JCAD: variants seen among roughly 807,000 people sequenced by gnomAD.
The protein encoded by JCAD is junctional cadherin 5-associated protein.
JCAD carries 40 observed loss-of-function variants against 98.0 expected under a neutral mutation model. That is an observed-to-expected ratio of 0.41 (90% confidence interval 0.32 to 0.53). The LOEUF is 0.53. Among genes scored for constraint, JCAD ranks in the 20% least tolerant of loss-of-function variants. JCAD has a pLI of 0.31. For missense variants in JCAD, 1,705 were observed against 1,738.1 expected (o/e 0.98, Z 0.34); for synonymous variants, 691 against 682.3 (o/e 1.01, Z -0.20).
intron 2 of JCAD, among the ~76,000 whole-genome samples, chr10:30,033,927 A>C (rs1837055330): frequency 6.6e-6 from 1 of 152,154 alleles, no homozygotes; most frequent in Non-Finnish European, 1.5e-5. Context: ...ATAGCCCCTC[A>C]AACTCTGTAT....
chr10:30,041,937 T>C (rs1837250005), intron 2 of JCAD, among the ~76,000 whole-genome samples: 1 of 152,246 alleles, frequency 6.6e-6, no homozygotes. Flanking sequence ...CATGTGCAGA[T>C]AACACAGTTT....
chr10:30,089,107 A>G (rs1455794667), intron 1 of JCAD, among the ~76,000 whole-genome samples: 1 of 152,234 alleles, frequency 6.6e-6, no homozygotes, highest in Non-Finnish European at 1.5e-5. Context: ...TATGGTGGCA[A>G]TAAATCATTG....
chr10:30,024,977 G>A (rs1343142156), intron 3 of JCAD, among the ~76,000 whole-genome samples: 1 of 152,082 alleles, frequency 6.6e-6, no homozygotes, highest in Non-Finnish European at 1.5e-5. Context: ...TTACAGGCTT[G>A]AGCCACAGCA....
intron 3 of JCAD, among the ~76,000 whole-genome samples, chr10:30,025,535 AAGGGGAGGGGAGGGGAGGGGAGGGG>A (rs77184322): frequency 2.1e-4 from 2 of 9,630 alleles, no homozygotes; most frequent in African/African-American, 5.0e-4. Context: ...AAAAAATGGG[AAGGGGAGGGGAGGGGAGGGGAGGGG>A]AGGGGAGGGG....
In JCAD at chr10:30,059,208, C is replaced by T. The variant is rs892499845; in HGVS notation, c.-60+274G>A. 6.6e-6 allele frequency among the ~76,000 whole-genome samples: 1 copy of T among 151,450 alleles called. No homozygotes were observed. The highest frequency in any genetic ancestry group is 1.5e-5 in the Non-Finnish European group (1 of 67,770). ...TGCCCGCCCCGGGACCCCCGCGCTCCGAGCGGGGCACCTGAGGGGAGGGGA... is the reference window on the plus strand; with the variant it reads ...TGCCCGCCCCGGGACCCCCGCGCTCTGAGCGGGGCACCTGAGGGGAGGGGA... On this transcript the variant is annotated intron_variant, in intron 1 of 3. Transcript: ENST00000375377. The surrounding 1 kb of genome is among the most constrained non-coding windows in gnomAD (Gnocchi z 5.0).
rs1035761802 is a variant in JCAD at position 30,099,183 on chromosome 10, C to G, written n.128+16184G>C. Among the ~76,000 whole-genome samples the G allele has an allele frequency of 3.9e-5, 6 of 152,112 alleles. No individual in the cohort carries two copies. The South Asian group carries it at 1.2e-3, about 32-fold the overall frequency. ...GGAAAATGAAACGTAAACATAATCCCAACTCATCTTACACCTCATCTTTGA... is the reference window on the plus strand; with the variant it reads ...GGAAAATGAAACGTAAACATAATCCGAACTCATCTTACACCTCATCTTTGA... On this transcript the variant is annotated intron_variant and non_coding_transcript_variant, in intron 1 of 2. Transcript: ENST00000465712.
intron 1 of JCAD, among the ~76,000 whole-genome samples, chr10:30,077,044 A>C (rs1401184544): frequency 6.6e-6 from 1 of 152,190 alleles, no homozygotes; most frequent in Non-Finnish European, 1.5e-5. Flanking sequence ...TCGGAATTGC[A>C]GAGTATATTA....
At chr10:30,085,536 C>A (rs1313415626) in intron 1 of JCAD, among the ~76,000 whole-genome samples, 1 of 152,080 alleles carries the variant, frequency 6.6e-6, no homozygotes, top group Non-Finnish European at 1.5e-5. Context: ...AGCTCTTTGA[C>A]AAGGATGAGA....
At chr10:30,086,375 T>C (rs1291006864) in intron 1 of JCAD, among the ~76,000 whole-genome samples, 1 of 152,220 alleles carries the variant, frequency 6.6e-6, no homozygotes, top group East Asian at 1.9e-4. Context: ...AAGCTACTAC[T>C]GAGTTTTAAA....
intron 1 of JCAD, among the ~76,000 whole-genome samples, chr10:30,048,305 T>C (rs1837398006): frequency 6.6e-6 from 1 of 152,154 alleles, no homozygotes; most frequent in South Asian, 2.1e-4. Context: ...ATATCCAGCT[T>C]AATCTTAGGA....
At chr10:30,086,699 A>T (rs1234859169) in intron 1 of JCAD, among the ~76,000 whole-genome samples, 1 of 152,214 alleles carries the variant, frequency 6.6e-6, no homozygotes, top group African/African-American at 2.4e-5. Context: ...TGGATGAAGC[A>T]ATGGTGGGGC....
At chr10:30,100,611 G>A (rs138829961) in intron 1 of JCAD, among the ~76,000 whole-genome samples, 1,595 of 152,188 alleles carry the variant, frequency 0.01, 22 homozygotes, top group Middle Eastern at 0.054. Context: ...CTCGAACTCC[G>A]AACCTCAGGT....
chr10:30,031,310 T>TA (rs988698533), intron 2 of JCAD, among the ~76,000 whole-genome samples: 1 of 151,930 alleles, frequency 6.6e-6, no homozygotes, highest in Non-Finnish European at 1.5e-5. Flanking sequence ...TAAGATGTTT[T>TA]TGTAGAGATG....
chr10:30,052,994 C>T (rs947275869), intron 1 of JCAD, among the ~76,000 whole-genome samples: 4 of 151,906 alleles, frequency 2.6e-5, no homozygotes, highest in African/African-American at 9.7e-5. Context: ...TTAAAATTGG[C>T]CTAGAACACA....
chr10:30,076,644 T>C (rs1349399072), intron 1 of JCAD, among the ~76,000 whole-genome samples: 1 of 151,704 alleles, frequency 6.6e-6, no homozygotes, highest in African/African-American at 2.4e-5. Context: ...TAATTGTGAG[T>C]GAAATTAGGA....
chr10:30,112,508 C>T (rs78587120), intron 1 of JCAD, among the ~76,000 whole-genome samples: 306 of 151,822 alleles, frequency 2.0e-3, no homozygotes, highest in Admixed American at 4.9e-3. Context: ...TTTAAACAAA[C>T]GAAAAAAATT....
At chr10:30,110,948 T>C (rs1838687745) in intron 1 of JCAD, among the ~76,000 whole-genome samples, 1 of 152,144 alleles carries the variant, frequency 6.6e-6, no homozygotes, top group Non-Finnish European at 1.5e-5. Flanking sequence ...GACTGGTTGA[T>C]GTATGGACCC....
intron 1 of JCAD, among the ~76,000 whole-genome samples, chr10:30,108,987 C>T (rs936214462): frequency 6.6e-6 from 1 of 152,126 alleles, no homozygotes; most frequent in Non-Finnish European, 1.5e-5. Context: ...AGTCCTTGGC[C>T]CAACTTGCTG....
At chr10:30,056,989 G>A (rs1160347666) in intron 1 of JCAD, among the ~76,000 whole-genome samples, 1 of 152,124 alleles carries the variant, frequency 6.6e-6, no homozygotes, top group Admixed American at 6.6e-5. Flanking sequence ...GTTTTAATGA[G>A]AGAGATAACC....
Sources: allele counts gnomAD v4.1 joint callset (sites outside exome capture counted in the v4.1 genomes callset), GRCh38; gene constraint gnomAD v4.1.1; non-coding constraint Gnocchi (gnomAD v3.1); transcripts MANE v1.5; gene names NCBI Gene and HGNC (gene_info 2026-07-23, HGNC 2026-07-21).